Variants in ZBBX observed in about 807,000 individuals in gnomAD.
ZBBX encodes the protein zinc finger B-box domain-containing protein 1.
Under a neutral mutation model 108.5 loss-of-function variants are expected in ZBBX, and 101 were observed. The observed-to-expected ratio is 0.93, with a 90% confidence interval of 0.79 to 1.10. The LOEUF (loss-of-function observed/expected upper bound fraction) is 1.10, where lower values mean the gene tolerates loss of function less well. Among genes scored for constraint, ZBBX ranks in the 50% least tolerant of loss-of-function variants. ZBBX has a pLI of 0.00. For synonymous variants in ZBBX, 356 were observed against 323.4 expected, an observed-to-expected ratio of 1.10 and a Z score of -1.08; for missense variants, 1,009 against 941.4, an observed-to-expected ratio of 1.07 and a Z score of -0.94.
chr3:167,356,945 G>A (rs1319201562), intron 8 of ZBBX, among the ~76,000 whole-genome samples: 3 of 152,166 alleles, frequency 2.0e-5, no homozygotes, highest in Non-Finnish European at 4.4e-5. Context: ...TGAGGAAACT[G>A]TGAGGGAAGA....
At chr3:167,285,771 T>G (rs1729589246) in intron 19 of ZBBX, among the ~76,000 whole-genome samples, 1 of 152,044 alleles carries the variant, frequency 6.6e-6, no homozygotes, top group African/African-American at 2.4e-5. Flanking sequence ...CAAAAGGGAA[T>G]AAGACATCAC....
intron 17 of ZBBX, among the ~76,000 whole-genome samples, chr3:167,299,339 G>A (rs937205175): frequency 6.6e-6 from 1 of 151,892 alleles, no homozygotes; most frequent in East Asian, 1.9e-4. Context: ...CAAAGCTAGT[G>A]ACCAATAAAG....
chr3:167,272,243 T>C (rs1054776953), intron 20 of ZBBX, among the ~76,000 whole-genome samples: 40 of 152,114 alleles, frequency 2.6e-4, no homozygotes, highest in African/African-American at 9.2e-4. Context: ...ACTACCTATA[T>C]CCCTACGTTT....
At chr3:167,199,327 G>C in the ZBBX span, among the ~76,000 whole-genome samples, 2 of 152,138 alleles carry the variant, frequency 1.3e-5, no homozygotes, top group Admixed American at 6.6e-5. Context: ...GCCCTATTTT[G>C]TCAAGTATAT....
chr3:167,191,785 C>A, the ZBBX span, among the ~76,000 whole-genome samples: 1 of 151,188 alleles, frequency 6.6e-6, no homozygotes, highest in African/African-American at 2.4e-5. Flanking sequence ...GTTGTGAAGG[C>A]CCTCATTTTT....
chr3:167,281,248 T>C (rs1728764464), intron 20 of ZBBX, among the ~76,000 whole-genome samples: 1 of 152,102 alleles, frequency 6.6e-6, no homozygotes, highest in Non-Finnish European at 1.5e-5. Flanking sequence ...AAACTTAAAG[T>C]ATAATAATAA....
chr3:167,242,737 G>A (rs188938428), intron 20 of ZBBX, 94 bp from the exon 21 acceptor site: 4 of 1,116,798 alleles, frequency 3.6e-6, no homozygotes, highest in African/African-American at 1.6e-5. Context: ...GTAAATTACA[G>A]GCAATACAAA....
the ZBBX span, among the ~76,000 whole-genome samples, chr3:167,217,793 G>A: frequency 2.0e-5 from 3 of 151,998 alleles, no homozygotes; most frequent in South Asian, 2.1e-4. Context: ...TAAAAAGAAC[G>A]AGATCATGTC....
chr3:167,276,207 G>A (rs905632087), intron 20 of ZBBX, among the ~76,000 whole-genome samples: 3 of 151,958 alleles, frequency 2.0e-5, no homozygotes, highest in African/African-American at 7.3e-5. Flanking sequence ...AAGGAATGCA[G>A]TTCCTCACCA....
At chr3:167,352,649 A>G (rs2108505646) in intron 8 of ZBBX, among the ~76,000 whole-genome samples, 1 of 152,104 alleles carries the variant, frequency 6.6e-6, no homozygotes, top group South Asian at 2.1e-4. Context: ...TAACCCTGCT[A>G]CCAAAGCCAG....
intron 12 of ZBBX, among the ~76,000 whole-genome samples, chr3:167,319,915 C>T (rs866129675): frequency 2.0e-5 from 3 of 151,706 alleles, no homozygotes; most frequent in South Asian, 4.1e-4. Flanking sequence ...GGTTTGGATT[C>T]GGAATGCCTG....
chr3:167,193,169 C>A, the ZBBX span, among the ~76,000 whole-genome samples: 1 of 152,130 alleles, frequency 6.6e-6, no homozygotes, highest in East Asian at 1.9e-4. Flanking sequence ...TTCTTTTTTC[C>A]CCACTAGGTT....
the ZBBX span, among the ~76,000 whole-genome samples, chr3:167,223,677 A>T: frequency 6.6e-6 from 1 of 151,932 alleles, no homozygotes; most frequent in South Asian, 2.1e-4. Context: ...CCCCTTATAA[A>T]TGATTAGTCA....
chr3:167,342,339 A>T (rs1204401722), intron 9 of ZBBX, among the ~76,000 whole-genome samples: 1 of 151,856 alleles, frequency 6.6e-6, no homozygotes, highest in Non-Finnish European at 1.5e-5. Context: ...ACAGTGGGTT[A>T]GACTAATGAT....
intron 10 of ZBBX, among the ~76,000 whole-genome samples, 157 bp downstream of exon 10, chr3:167,333,670 T>C (rs1739050574): frequency 1.3e-5 from 2 of 152,226 alleles, no homozygotes; most frequent in South Asian, 4.1e-4. Flanking sequence ...AATATTTTTA[T>C]AGTCAAGATG....
intron 9 of ZBBX, among the ~76,000 whole-genome samples, chr3:167,339,817 C>T (rs1334085417): frequency 6.6e-6 from 1 of 152,036 alleles, no homozygotes; most frequent in Non-Finnish European, 1.5e-5. Flanking sequence ...TCTCCCTCTC[C>T]TTGCCTCTCA....
intron 17 of ZBBX, among the ~76,000 whole-genome samples, chr3:167,299,913 C>T (rs1167973507): frequency 6.6e-6 from 1 of 152,128 alleles, no homozygotes; most frequent in African/African-American, 2.4e-5. Context: ...ATGATGGCCA[C>T]TTTAGAAAGC....
the ZBBX span, among the ~76,000 whole-genome samples, chr3:167,229,388 T>C: frequency 9.3e-4 from 141 of 152,016 alleles, no homozygotes; most frequent in Non-Finnish European, 1.3e-3. Context: ...TTTGTCTCTA[T>C]TGTCTCTATC....
chr3:167,336,511 T>C (rs1739578707), intron 9 of ZBBX, among the ~76,000 whole-genome samples: 1 of 152,150 alleles, frequency 6.6e-6, no homozygotes, highest in Non-Finnish European at 1.5e-5. Context: ...AGAGAGCAGA[T>C]ATTATGATTC....
Sources: gnomAD v4.1 joint callset for allele counts (sites outside exome capture counted in the v4.1 genomes callset) on GRCh38, gnomAD v4.1.1 for gene constraint, MANE v1.5 for transcripts, NCBI Gene and HGNC (gene_info 2026-07-23, HGNC 2026-07-21) for gene names.